NIPBL: variants seen among roughly 807,000 people sequenced by gnomAD.
NIPBL encodes the protein nipped-B-like protein.
NIPBL carries 19 observed loss-of-function variants against 321.8 expected under a neutral mutation model. That is an observed-to-expected ratio of 0.06 (90% CI 0.04 to 0.09). NIPBL has a LOEUF of 0.09. NIPBL is among the 10% of genes least tolerant of loss of function. The pLI is 1.00. For synonymous variants in NIPBL, 1,106 were observed against 1,114.1 expected, an observed-to-expected ratio of 0.99 and a Z score of 0.14; for missense variants, 2,210 against 3,327.0, an observed-to-expected ratio of 0.66 and a Z score of 8.26.
At chr5:36,925,341 G>A (rs1054139677) in intron 1 of NIPBL, among the ~76,000 whole-genome samples, 5 of 149,672 alleles carry the variant, frequency 3.3e-5, no homozygotes, top group East Asian at 2.0e-4. Flanking sequence ...TGATCTCGGC[G>A]CACTGCAACC....
intron 1 of NIPBL, among the ~76,000 whole-genome samples, chr5:36,913,406 AAAG>A (rs1418527581): frequency 1.3e-5 from 2 of 150,718 alleles, no homozygotes; most frequent in African/African-American, 4.9e-5. Flanking sequence ...TTTTTTTTAA[AAAG>A]ACAGACTGTC....
chr5:36,994,513 C>G (rs1010222281), intron 10 of NIPBL, among the ~76,000 whole-genome samples: 9 of 152,092 alleles, frequency 5.9e-5, no homozygotes, highest in South Asian at 2.1e-4. Flanking sequence ...TACGTAAGCA[C>G]TATTATCATT....
chr5:36,932,180 A>T (rs765777928), intron 1 of NIPBL, among the ~76,000 whole-genome samples: 5 of 152,102 alleles, frequency 3.3e-5, no homozygotes, highest in African/African-American at 4.8e-5. Flanking sequence ...TCAATTTTGG[A>T]GAATGTTCTT....
chr5:36,885,134 C>T, intron 1 of NIPBL: 1 of 430,070 alleles, frequency 2.3e-6, no homozygotes, highest in Non-Finnish European at 4.6e-6. Flanking sequence ...AAATACGTTA[C>T]AGCACATAAA....
chr5:37,043,216 T>A (rs1752628944), intron 34 of NIPBL, among the ~76,000 whole-genome samples: 1 of 152,038 alleles, frequency 6.6e-6, no homozygotes, highest in Non-Finnish European at 1.5e-5. Flanking sequence ...CGCAACATAG[T>A]GAGACCCTGT....
intron 29 of NIPBL, among the ~76,000 whole-genome samples, chr5:37,024,172 A>G (rs1277287514): frequency 3.3e-5 from 5 of 152,076 alleles, no homozygotes; most frequent in Admixed American, 2.6e-4. Context: ...ATCCCAAAAA[A>G]AAAAAAGAAG....
chr5:37,064,495 T>C, intron 46 of NIPBL, 32 bp from the exon 47 acceptor site: 1 of 1,607,736 alleles, frequency 6.2e-7, no homozygotes, highest in Non-Finnish European at 8.5e-7. Flanking sequence ...TGTGTAACAC[T>C]TGGTCTTTTT....
chr5:37,001,881 A>G (rs966567219), intron 14 of NIPBL, among the ~76,000 whole-genome samples: 1 of 152,142 alleles, frequency 6.6e-6, no homozygotes, highest in East Asian at 1.9e-4. Flanking sequence ...TAAAGTAAGT[A>G]TTTGTTTTGT....
rs201810553 is a variant in NIPBL at position 36,959,531 on chromosome 5, G to A, written c.358+1300G>A. ...TAGGAGACAGATATAAATAATGAAG[G>A]AAGCTAGAGTTATGACGGCTTTCTG... On this transcript the variant is annotated intron_variant, in intron 4 of 46. Coordinates refer to ENST00000282516, the MANE Select transcript of NIPBL (RefSeq NM_133433.4). Among the ~76,000 whole-genome samples the A allele has an allele frequency of 3.3e-5, 5 of 152,172 alleles. No individual in the cohort carries two copies. The East Asian group carries it at 9.6e-4, about 29-fold the overall frequency.
chr5:36,975,269 T>G (rs1743313351), intron 8 of NIPBL, among the ~76,000 whole-genome samples: 1 of 152,150 alleles, frequency 6.6e-6, no homozygotes, highest in Non-Finnish European at 1.5e-5. Flanking sequence ...AATTGACCAC[T>G]TGCTTTTTGT....
At chr5:36,879,074 G>A (rs1206045089) in intron 1 of NIPBL, among the ~76,000 whole-genome samples, 3 of 152,136 alleles carry the variant, frequency 2.0e-5, no homozygotes, top group African/African-American at 7.2e-5. Flanking sequence ...TGGGGATGGA[G>A]GTGGTAAGGG....
At chr5:36,908,366 A>G (rs1426182536) in intron 1 of NIPBL, among the ~76,000 whole-genome samples, 2 of 152,166 alleles carry the variant, frequency 1.3e-5, no homozygotes, top group Admixed American at 6.5e-5. Context: ...CATATTATGG[A>G]TGTTTATGCT....
intron 14 of NIPBL, 60 bp from the exon 15 acceptor site, chr5:37,002,602 C>A: frequency 8.9e-7 from 1 of 1,129,490 alleles, no homozygotes; most frequent in Non-Finnish European, 1.3e-6. Context: ...TTAAGCTTGA[C>A]ATTTTGAACT....
At chr5:36,976,553 G>A in intron 9 of NIPBL, 151 bp downstream of exon 9, 1 of 732,874 alleles carries the variant, frequency 1.4e-6, no homozygotes, top group Non-Finnish European at 2.2e-6. Context: ...TCATAATGCA[G>A]AAGTTAAATT....
At chr5:37,012,051 G>A (rs1472972945) in intron 21 of NIPBL, among the ~76,000 whole-genome samples, 3 of 150,880 alleles carry the variant, frequency 2.0e-5, no homozygotes, top group African/African-American at 7.3e-5. Context: ...CTGGTTATTA[G>A]TGAGCTTGAG....
chr5:37,049,424 TAAG>T, intron 40 of NIPBL, 123 bp downstream of exon 40: 1 of 1,080,826 alleles, frequency 9.3e-7, no homozygotes, highest in Non-Finnish European at 1.4e-6. Context: ...ACTAAACTCT[TAAG>T]AATCTGGCAG....
chr5:36,971,085 C>A, intron 7 of NIPBL, 49 bp downstream of exon 7: 1 of 1,481,892 alleles, frequency 6.7e-7, no homozygotes, highest in Non-Finnish European at 9.4e-7. Context: ...TAATATTTGT[C>A]ATATAACCTA....
intron 32 of NIPBL, among the ~76,000 whole-genome samples, chr5:37,033,556 G>C (rs1425745971): frequency 1.1e-5 from 1 of 88,846 alleles, no homozygotes. Context: ...CTGTCCATAA[G>C]AATTAAAAAA....
At chr5:36,989,744 C>G (rs1474236910) in intron 10 of NIPBL, among the ~76,000 whole-genome samples, 1 of 147,116 alleles carries the variant, frequency 6.8e-6, no homozygotes, top group Non-Finnish European at 1.5e-5. Context: ...GAGGCTGAAG[C>G]AGGAGAATCG....
Sources: gnomAD v4.1 joint callset for allele counts (sites outside exome capture counted in the v4.1 genomes callset) on GRCh38, gnomAD v4.1.1 for gene constraint, MANE v1.5 for transcripts, NCBI Gene and HGNC (gene_info 2026-07-23, HGNC 2026-07-21) for gene names.